PRRC2A: variants seen among roughly 807,000 people sequenced by gnomAD.
PRRC2A encodes protein PRRC2A.
PRRC2A carries 59 observed loss-of-function variants against 224.6 expected under a neutral mutation model. The ratio of observed to expected loss-of-function variants is 0.26; its 90% confidence interval spans 0.21 to 0.33. PRRC2A has a LOEUF of 0.33. Ranked by LOEUF, PRRC2A falls within the 10% of genes least tolerant of loss-of-function variation. PRRC2A has a pLI of 1.00. For missense variants in PRRC2A, 3,095 were observed against 2,880.7 expected (o/e 1.07, Z -1.70); for synonymous variants, 1,194 against 1,109.5 (o/e 1.08, Z -1.51).
intron 1 of PRRC2A, among the ~76,000 whole-genome samples, chr6:31,621,549 C>A (rs138690534): frequency 5.3e-5 from 8 of 150,512 alleles, no homozygotes; most frequent in African/African-American, 1.7e-4. Context: ...TCATTATTTT[C>A]TGTTAGTTTT....
At position 31,636,229 on chromosome 6, in the gene PRRC2A, C is replaced by T. The variant is rs1432133502; in HGVS notation, c.5645C>T (p.Pro1882Leu). 6.2e-7 allele frequency: 1 copy of T among 1,612,660 alleles called. No individual in the cohort carries two copies. Among genetic ancestry groups the T allele is most frequent in the Non-Finnish European group, 8.5e-7 (1 of 1,179,658 alleles). Residue 1882 changes from proline to leucine, a missense_variant, in exon 26 of 31, where the codon CCC (proline) becomes CTC (leucine). Transcript: ENST00000376033. This position sits in a 1 kb window ranked among gnomAD's most constrained non-coding sequence, Gnocchi z 4.3. ...HPYRSQPLYL[P>L]PGPAPPSALL... ...TTCAGATCACAGCCCCTATACCTAC[C>T]CCCCGGCCCAGCCCCTCCCTCAGCA...
At position 31,633,921 on chromosome 6, in the gene PRRC2A, G is replaced by C. The variant is rs762025401; in HGVS notation, c.4651G>C (p.Ala1551Pro). The change falls in exon 18 of 31, where the codon GCC becomes CCC. Residue 1551 changes from alanine to proline, a missense_variant. Physicochemically the swap from Ala to Pro is conservative, Grantham distance 27 (BLOSUM62 -1). Transcript: ENST00000376033. ...GGTGGGTGGGACTCCTCGGGACTCT[G>C]CCGGGGTTAGTCCCTTTCCCCCTAA... The part of the protein sequence containing the change: ...RGVGGTPRDS[A>P]GVSPFPPKRR... The C allele has an allele frequency of 4.4e-6, 7 of 1,588,714 alleles. No homozygotes were observed. The highest frequency in any genetic ancestry group is 6.0e-6 in the Non-Finnish European group (7 of 1,173,966).
rs773353471 is a variant in PRRC2A, at chr6:31,628,005, C to A, written c.1531C>A (p.Pro511Thr). ...DKRLKAEPAA[P>T]PAAPSTPAPP... is the part of the protein sequence containing the mutation. ...GCGGCTCAAAGCAGAGCCTGCTGCC[C>A]CACCTGCTGCCCCTTCTACCCCAGC... Residue 511 changes from proline to threonine, a missense_variant, in exon 12 of 31, where the codon CCA (proline) becomes ACA (threonine). Coordinates refer to ENST00000376033, the MANE Select transcript of PRRC2A (RefSeq NM_004638.4). 1 of 1,216,312 alleles carries A rather than the reference C, an allele frequency of 8.2e-7. No individual in the cohort carries two copies. Among genetic ancestry groups the A allele is most frequent in the Non-Finnish European group, 1.1e-6 (1 of 897,878 alleles). The allele number at this position is 1,216,312 out of a possible 1,614,324, so 75.3% of individuals were successfully genotyped here.
At chr6:31,628,349 G>C in intron 12 of PRRC2A, 110 bp downstream of exon 12, 1 of 1,441,032 alleles carries the variant, frequency 6.9e-7, no homozygotes, top group Non-Finnish European at 9.1e-7. Context: ...AGTTGTTTTG[G>C]TTTATTGGAC....
In PRRC2A at chr6:31,629,276, G is replaced by C. The variant is rs775249131; in HGVS notation, c.1898G>C (p.Gly633Ala). The change falls in exon 13 of 31, where the codon GGC becomes GCC. Residue 633 changes from glycine (G) to alanine (A), a missense_variant. By Grantham distance (60) the Gly-to-Ala change is moderately conservative (BLOSUM62 0). Coordinates refer to ENST00000376033, the MANE Select transcript of PRRC2A (RefSeq NM_004638.4). ...CCCACCCGCCAGCCCCCTAGTCAGG[G>C]CTTGGGCTACCCCAAATATCAGAAG... ...IGPTRQPPSQ[G>A]LGYPKYQKSL... The C allele has an allele frequency of 6.3e-7, 1 of 1,597,300 alleles. No individual in the cohort carries two copies. Among genetic ancestry groups the C allele is most frequent in the Non-Finnish European group, 8.5e-7 (1 of 1,172,866 alleles).
Position 31,636,256 on chromosome 6 carries a change from T to G in PRRC2A, c.5672T>G (p.Leu1891Arg), listed in dbSNP as rs1338007085. Reference protein sequence around the residue: ...LPPGPAPPSALLSGLALKGQF... With the variant: ...LPPGPAPPSARLSGLALKGQF... Reference sequence around the variant, plus strand: ...CCCGGCCCAGCCCCTCCCTCAGCACTGCTCTCTGGGTTAGCTCTCAAGGGC... The same window carrying G: ...CCCGGCCCAGCCCCTCCCTCAGCACGGCTCTCTGGGTTAGCTCTCAAGGGC... The change falls in exon 26 of 31, where the codon CTG becomes CGG. Residue 1891 changes from leucine to arginine, a missense_variant. Leu to Arg is a moderately radical substitution (Grantham distance 102). This residue lies in a region of PRRC2A where 662 missense variants were observed against 609.5 expected (regional missense o/e 1.09). Transcript: ENST00000376033. The surrounding 1 kb of genome is among the most constrained non-coding windows in gnomAD (Gnocchi z 4.3). 1 of 1,612,824 alleles carries G rather than the reference T, an allele frequency of 6.2e-7. No homozygotes were observed. Among genetic ancestry groups the G allele is most frequent in the Non-Finnish European group, 8.5e-7 (1 of 1,179,936 alleles).
At chr6:31,633,687 C>T (rs779799703) in intron 17 of PRRC2A, 40 bp downstream of exon 17, 5 of 1,572,740 alleles carry the variant, frequency 3.2e-6, no homozygotes, top group African/African-American at 1.4e-5. Flanking sequence ...TCTCCATCCC[C>T]AGAGAAGGTC....
At position 31,631,454 on chromosome 6, in the gene PRRC2A, C is replaced by T. The variant is rs775524718; in HGVS notation, c.2781C>T (p.Gly927=). 5 of 1,609,814 alleles carry T rather than the reference C, an allele frequency of 3.1e-6. No homozygotes were observed. Among genetic ancestry groups the T allele is most frequent in the Non-Finnish European group, 4.2e-6 (5 of 1,178,628 alleles). ...RRESRTETRW[G]PRPGSSRRGI... ...AGAGTCGCACAGAGACCCGCTGGGGCCCTCGTCCAGGGAGCAGTCGTCGTG... is the reference window on the plus strand; with the variant it reads ...AGAGTCGCACAGAGACCCGCTGGGGTCCTCGTCCAGGGAGCAGTCGTCGTG... Residue 927 remains glycine (G), a synonymous_variant, in exon 16 of 31, where the codon GGC becomes GGT. Coordinates refer to ENST00000376033, the MANE Select transcript of PRRC2A (RefSeq NM_004638.4). The surrounding 1 kb of genome is among the most constrained non-coding windows in gnomAD (Gnocchi z 4.5).
Position 31,632,907 on chromosome 6 carries a change from A to G in PRRC2A, c.4234A>G (p.Ser1412Gly), listed in dbSNP as rs1339253164. The change falls in exon 16 of 31, where the codon AGT becomes GGT. Residue 1412 changes from serine to glycine, a missense_variant. Around this residue, in one of 8 missense-constraint regions of PRRC2A, gnomAD observed 2,001 missense variants for 1,764.9 expected, o/e 1.13. Coordinates refer to ENST00000376033, the MANE Select transcript of PRRC2A (RefSeq NM_004638.4). Reference sequence around the variant, plus strand: ...CAAGGCTGGCAGCAGTGGCAGCAGCAGTGGAGGAGGCGGTGGGGGTCCTGG... The same window carrying G: ...CAAGGCTGGCAGCAGTGGCAGCAGCGGTGGAGGAGGCGGTGGGGGTCCTGG... ...GGKAGSSGSS[S>G]GGGGGGPGGR... The G allele has an allele frequency of 3.7e-6, 6 of 1,612,682 alleles. No homozygotes were observed. In the African/African-American group the frequency reaches 6.7e-5, roughly 18 times the overall value.
At position 31,630,691 on chromosome 6, in the gene PRRC2A, G is replaced by A. The variant is rs375349997; in HGVS notation, c.2355G>A (p.Val785=). ...TACGGGAACGGGGCACTCCACCGGT[G>A]GATCCAAAGTTGGCCTGGGTAGGAG... ...AMLRERGTPP[V]DPKLAWVGDV... Residue 785 remains valine, a synonymous_variant, in exon 15 of 31, where the codon GTG becomes GTA. Coordinates refer to ENST00000376033, the MANE Select transcript of PRRC2A (RefSeq NM_004638.4). 1.1e-5 allele frequency: 17 copies of A among 1,614,054 alleles called. No individual in the cohort carries two copies. The African/African-American group carries it at 1.5e-4, about 14-fold the overall frequency.
In PRRC2A at chr6:31,632,997, G is replaced by A; in HGVS notation, c.4319+5G>A. 6.5e-7 allele frequency: 1 copy of A among 1,538,218 alleles called. No homozygotes were observed. Among genetic ancestry groups the A allele is most frequent in the Non-Finnish European group, 8.7e-7 (1 of 1,144,780 alleles). ...GCCCTCTCCCAAGAACCGAAGGTGG[G>A]TAGGAACAAACAAATTTATTGTGGT... is the stretch of plus-strand genomic sequence containing the variant. On this transcript the variant is annotated splice_donor_5th_base_variant and intron_variant, in intron 16 of 30. Transcript: ENST00000376033.
chr6:31,630,644 G>T lies in PRRC2A; in HGVS notation c.2308G>T (p.Asp770Tyr). The part of the protein sequence containing the change: ...DSGGSSSEPF[D>Y]RHAPAMLRER... ...TGGGGGCTCAAGCTCAGAGCCATTT[G>T]ACCGTCATGCACCTGCTATGTTACG... Residue 770 changes from aspartate (D) to tyrosine (Y), a missense_variant, in exon 15 of 31, where the codon GAC (aspartate) becomes TAC (tyrosine). By Grantham distance (160) the Asp-to-Tyr change is radical. Around this residue, in one of 8 missense-constraint regions of PRRC2A, gnomAD observed 2,001 missense variants for 1,764.9 expected, o/e 1.13. Transcript: ENST00000376033. 6.2e-7 allele frequency: 1 copy of T among 1,614,088 alleles called. No homozygotes were observed. Among genetic ancestry groups the T allele is most frequent in the Non-Finnish European group, 8.5e-7 (1 of 1,180,022 alleles).
Position 31,634,565 on chromosome 6 carries a change from A to T in PRRC2A, c.4935+8A>T. 6.2e-7 allele frequency: 1 copy of T among 1,608,884 alleles called. No homozygotes were observed. Among genetic ancestry groups the T allele is most frequent in the African/African-American group, 1.3e-5 (1 of 74,816 alleles). ...GATGTGGCTGGCACAGAAGTGAGTG[A>T]GGGTGGGAGGGTGTGTCTGAGCTGG... On this transcript the variant is annotated splice_region_variant and intron_variant, in intron 20 of 30. Coordinates refer to ENST00000376033, the MANE Select transcript of PRRC2A (RefSeq NM_004638.4).
intron 1 of PRRC2A, 66 bp downstream of exon 1, chr6:31,620,924 T>TGGCGGC (rs774916233): frequency 0.012 from 1,942 of 156,026 alleles, 38 homozygotes; most frequent in Non-Finnish European, 0.019. Context: ...GCGGTGGCGG[T>TGGCGGC]GGCGGCGGCG....
In PRRC2A at chr6:31,636,856, A is replaced by C; in HGVS notation, c.6058A>C (p.Ser2020Arg). 6.2e-7 allele frequency: 1 copy of C among 1,612,796 alleles called. No homozygotes were observed. ...LPVGPALQPP[S>R]LAVRPPPAPA... ...TGTGGGCCCTGCTCTGCAGCCCCCCAGCCTGGCTGTGCGGCCCCCACCTGC... is the reference window on the plus strand; with the variant it reads ...TGTGGGCCCTGCTCTGCAGCCCCCCCGCCTGGCTGTGCGGCCCCCACCTGC... Residue 2020 changes from serine (S) to arginine (R), a missense_variant, in exon 28 of 31, where the codon AGC becomes CGC. Physicochemically the swap from Ser to Arg is moderately radical, Grantham distance 110. Transcript: ENST00000376033. The surrounding 1 kb of genome is among the most constrained non-coding windows in gnomAD (Gnocchi z 4.3).
At chr6:31,629,079 C>G (rs1452323139) in intron 12 of PRRC2A, 65 bp from the exon 13 acceptor site, 1 of 1,507,132 alleles carries the variant, frequency 6.6e-7, no homozygotes, top group Non-Finnish European at 9.2e-7. Context: ...ACGTGAGATT[C>G]CTGGGGTGTT....
chr6:31,637,278 C>G lies in PRRC2A; in HGVS notation c.6287C>G (p.Thr2096Ser). ...TCCCGTCTCAAGGCCACGCCTTCCA[C>G]CTACAGTGGAGTCTTCCGCACCCAG... is the stretch of plus-strand genomic sequence containing the variant. ...LNSRLKATPS[T>S]YSGVFRTQRV... Residue 2096 changes from threonine (T) to serine (S), a missense_variant, in exon 30 of 31, where the codon ACC becomes AGC. By Grantham distance (58) the Thr-to-Ser change is moderately conservative. Coordinates refer to ENST00000376033, the MANE Select transcript of PRRC2A (RefSeq NM_004638.4). 1 of 1,612,734 alleles carries G rather than the reference C, an allele frequency of 6.2e-7. No individual in the cohort carries two copies. The highest frequency in any genetic ancestry group is 8.5e-7 in the Non-Finnish European group (1 of 1,179,696).
rs1303001281 is a variant in PRRC2A, at chr6:31,632,841, C to G, written c.4168C>G (p.Pro1390Ala). Residue 1390 changes from proline to alanine, a missense_variant, in exon 16 of 31, where the codon CCA becomes GCA. By Grantham distance (27) the Pro-to-Ala change is conservative (BLOSUM62 -1). Around this residue, in one of 8 missense-constraint regions of PRRC2A, gnomAD observed 2,001 missense variants for 1,764.9 expected, o/e 1.13. Coordinates refer to ENST00000376033, the MANE Select transcript of PRRC2A (RefSeq NM_004638.4). ...LSKRSFSSQR[P>A]GMERQNRRPG... ...TAAACGGAGCTTCTCAAGTCAGCGG[C>G]CAGGCATGGAACGGCAGAATCGGCG... 2.5e-6 allele frequency: 4 copies of G among 1,613,008 alleles called. No individual in the cohort carries two copies. In the African/African-American group the frequency reaches 5.3e-5, roughly 22 times the overall value.
intron 12 of PRRC2A, 57 bp from the exon 13 acceptor site, chr6:31,629,087 G>A: frequency 6.4e-7 from 1 of 1,551,754 alleles, no homozygotes; most frequent in South Asian, 1.1e-5. Context: ...TTCCTGGGGT[G>A]TTCATGGAGT....
Sources: gnomAD v4.1 joint callset for allele counts (sites outside exome capture counted in the v4.1 genomes callset) on GRCh38, gnomAD v4.1.1 for gene constraint, gnomAD v4.1.1 regional missense constraint, Gnocchi (gnomAD v3.1) non-coding constraint, MANE v1.5 for transcripts, NCBI Gene and HGNC (gene_info 2026-07-23, HGNC 2026-07-21) for gene names.